ALG11: variants seen among roughly 807,000 people sequenced by gnomAD.
ALG11 encodes the protein GDP-Man:Man(3)GlcNAc(2)-PP-Dol alpha-1,2-mannosyltransferase.
ALG11 carries 26 observed loss-of-function variants against 38.8 expected under a neutral mutation model. That is an observed-to-expected ratio of 0.67 (90% CI 0.49 to 0.93). ALG11 has a LOEUF of 0.93. Ranked by LOEUF, ALG11 falls within the 40% of genes least tolerant of loss-of-function variation. ALG11 has a pLI of 0.00. For missense variants in ALG11, 535 were observed against 578.8 expected (o/e 0.92, Z 0.78); for synonymous variants, 199 against 211.6 (o/e 0.94, Z 0.52).
chr13:52,029,144 G>A lies in ALG11; in HGVS notation c.*554G>A. On this transcript the variant is annotated 3_prime_UTR_variant, in exon 4 of 4. Transcript: ENST00000521508. ...ACTGAATAGAGTCAAATCAAAGAAG[G>A]TGGTGGAGTTACCTCTTAACAAAGA... The A allele has an allele frequency of 6.2e-7, 1 of 1,614,206 alleles. No homozygotes were observed.
At chr13:52,025,687 A>G (rs917068287) in intron 3 of ALG11, among the ~76,000 whole-genome samples, 4 of 152,214 alleles carry the variant, frequency 2.6e-5, no homozygotes, top group Non-Finnish European at 5.9e-5. Context: ...TGACCTGTTA[A>G]GCACACATTT....
In ALG11 at chr13:52,032,518, T is replaced by C. The variant is rs1015700248; in HGVS notation, c.*3928T>C. ...TGAATTGACCCCATCCACAGGCTGA[T>C]TCATCTTTGTGTTAAGGGGCAAATG... is the stretch of plus-strand genomic sequence containing the variant. On this transcript the variant is annotated 3_prime_UTR_variant, in exon 4 of 4. Coordinates refer to ENST00000521508, the MANE Select transcript of ALG11 (RefSeq NM_001004127.3). The C allele has an allele frequency of 3.6e-5, 6 of 167,106 alleles. No individual in the cohort carries two copies. Among genetic ancestry groups the C allele is most frequent in the Non-Finnish European group, 5.9e-5 (4 of 68,124 alleles). 10.4% of individuals were successfully genotyped at this position (167,106 alleles called of 1,614,324 possible). A position where few individuals can be genotyped will look rare whatever the true frequency, so the allele number is the denominator to read the frequency against.
In ALG11 at chr13:52,028,929, A is replaced by G; in HGVS notation, c.*339A>G. 1 of 1,614,254 alleles carries G rather than the reference A, an allele frequency of 6.2e-7. No homozygotes were observed. The highest frequency in any genetic ancestry group is 8.5e-7 in the Non-Finnish European group (1 of 1,180,046). ...GGGGACAGTGATGGAGAGAGAAAGC[A>G]TCAAAAGCTTCTGGAAGCAATCATT... On this transcript the variant is annotated 3_prime_UTR_variant, in exon 4 of 4. Transcript: ENST00000521508.
In ALG11 at chr13:52,024,612, G is replaced by C; in HGVS notation, c.882G>C (p.Glu294Asp). ...CATTTCTGGACATTCCCTTACATGA[G>C]AAAAAGATGACCCCAGGACATTTGC... Reference protein sequence around the residue: ...VQTFLDIPLHEKKMTPGHLLV... With the variant: ...VQTFLDIPLHDKKMTPGHLLV... Residue 294 changes from glutamate (E) to aspartate (D), a missense_variant, in exon 3 of 4, where the codon GAG becomes GAC. Transcript: ENST00000521508. 1.2e-6 allele frequency: 2 copies of C among 1,613,798 alleles called. No individual in the cohort carries two copies. Among genetic ancestry groups the C allele is most frequent in the Non-Finnish European group, 1.7e-6 (2 of 1,179,798 alleles).
At chr13:52,012,859 C>G (rs1186383401) in intron 1 of ALG11, among the ~76,000 whole-genome samples, 1 of 152,158 alleles carries the variant, frequency 6.6e-6, no homozygotes, top group East Asian at 1.9e-4. Context: ...ACCGGATCTT[C>G]CTTCTCATCT....
chr13:52,025,747 T>A (rs1407991048), intron 3 of ALG11, among the ~76,000 whole-genome samples: 1 of 152,234 alleles, frequency 6.6e-6, no homozygotes, highest in South Asian at 2.1e-4. Context: ...CCACATATAT[T>A]TCTCAAGCGC....
intron 1 of ALG11, chr13:52,017,208 T>C (rs544705273): frequency 1.3e-5 from 2 of 152,366 alleles, no homozygotes; most frequent in Non-Finnish European, 2.9e-5. Flanking sequence ...TGTACTCCCA[T>C]TGTATCTGGG....
At chr13:52,012,500 C>G in intron 1 of ALG11, 38 bp downstream of exon 1, 1 of 1,613,876 alleles carries the variant, frequency 6.2e-7, no homozygotes, top group Non-Finnish European at 8.5e-7. Flanking sequence ...GACGTTTTCT[C>G]TTCTGTAGGG....
Position 52,030,365 on chromosome 13 carries a change from T to C in ALG11, c.*1775T>C, listed in dbSNP as rs1954289106. 2.5e-6 allele frequency: 4 copies of C among 1,614,110 alleles called. No individual in the cohort carries two copies. The highest frequency in any genetic ancestry group is 1.6e-4 in the Middle Eastern group (1 of 6,062). On this transcript the variant is annotated 3_prime_UTR_variant, in exon 4 of 4. Coordinates refer to ENST00000521508, the MANE Select transcript of ALG11 (RefSeq NM_001004127.3). ...AGAAGAGCTGGGAAAAGAAGATTGT[T>C]TTCAAAATAAGGAGCTTCCCAGACC...
At chr13:52,022,204 TA>T (rs1954189482) in intron 2 of ALG11, 1 of 151,896 alleles carries the variant, frequency 6.6e-6, no homozygotes, top group Non-Finnish European at 1.5e-5. Context: ...CTTCTCTACT[TA>T]AAAAATACAA....
intron 1 of ALG11, among the ~76,000 whole-genome samples, 192 bp from the exon 2 acceptor site, chr13:52,018,721 A>T (rs553838610): frequency 6.6e-6 from 1 of 152,316 alleles, no homozygotes; most frequent in Non-Finnish European, 1.5e-5. Flanking sequence ...ACTAAAGGGG[A>T]CTTATCCTTT....
In ALG11 at chr13:52,026,150, A is replaced by G. The variant is rs148170016; in HGVS notation, c.1207+1213A>G. ...GCAGGGTGATGTGAAAGCGCCAAAG[A>G]GAAACCTAACACAGACTTGTGCGGG... On this transcript the variant is annotated intron_variant, in intron 3 of 3. Transcript: ENST00000521508. 3.3e-5 allele frequency among the ~76,000 whole-genome samples: 5 copies of G among 152,318 alleles called. No individual in the cohort carries two copies. The East Asian group carries it at 7.7e-4, about 24-fold the overall frequency.
chr13:52,019,349 G>A (rs1345205032), intron 2 of ALG11, among the ~76,000 whole-genome samples: 1 of 151,018 alleles, frequency 6.6e-6, no homozygotes, highest in Non-Finnish European at 1.5e-5. Flanking sequence ...GGCCTCCCGA[G>A]TAGCTGGGAC....
intron 1 of ALG11, among the ~76,000 whole-genome samples, chr13:52,013,856 C>A (rs1043766256): frequency 6.6e-6 from 1 of 152,200 alleles, no homozygotes; most frequent in African/African-American, 2.4e-5. Context: ...CTCAACAAAT[C>A]TGTTTTTATA....
At chr13:52,025,449 A>G (rs755482311) in intron 3 of ALG11, among the ~76,000 whole-genome samples, 24 of 152,196 alleles carry the variant, frequency 1.6e-4, no homozygotes, top group Admixed American at 2.0e-4. Context: ...GCCCAGGTAG[A>G]TGTATTTTGA....
rs1311810539 is a variant in ALG11, at chr13:52,032,704, G to T, written c.*4114G>T. ...TCACAGGATGTTCTGACACACCATT[G>T]TAACTTTTTGTTAGAGATGATCCCA... is the stretch of plus-strand genomic sequence containing the variant. On this transcript the variant is annotated 3_prime_UTR_variant, in exon 4 of 4. Coordinates refer to ENST00000521508, the MANE Select transcript of ALG11 (RefSeq NM_001004127.3). The T allele has an allele frequency of 1.2e-5, 2 of 167,034 alleles. No individual in the cohort carries two copies. The highest frequency in any genetic ancestry group is 1.9e-4 in the East Asian group (1 of 5,196). The allele number at this position is 167,034 out of a possible 1,614,324, so 10.3% of individuals were successfully genotyped here.
chr13:52,021,008 C>A (rs1412778206), intron 2 of ALG11: 1 of 152,164 alleles, frequency 6.6e-6, no homozygotes. Flanking sequence ...ATTAAGAGAA[C>A]AAGATCGATC....
In ALG11 at chr13:52,028,791, G is replaced by T; in HGVS notation, c.*201G>T. On this transcript the variant is annotated 3_prime_UTR_variant, in exon 4 of 4. Transcript: ENST00000521508. The stretch of plus-strand genomic sequence containing the variant: ...TTCCATTCTTGGTATACATGAGAGA[G>T]GCTGGCTGCTGAGATGAATGTGAAC... The T allele has an allele frequency of 6.2e-7, 1 of 1,614,190 alleles. No individual in the cohort carries two copies. The highest frequency in any genetic ancestry group is 1.3e-5 in the African/African-American group (1 of 75,066).
intron 3 of ALG11, among the ~76,000 whole-genome samples, chr13:52,028,073 A>G (rs112407531): frequency 6.6e-6 from 1 of 152,140 alleles, no homozygotes; most frequent in African/African-American, 2.4e-5. Flanking sequence ...AGCCTGGGCA[A>G]CATAGTGAGA....
Sources: allele counts gnomAD v4.1 joint callset (sites outside exome capture counted in the v4.1 genomes callset), GRCh38; gene constraint gnomAD v4.1.1; transcripts MANE v1.5; gene names NCBI Gene and HGNC (gene_info 2026-07-23, HGNC 2026-07-21).